The following CDH12 variants were observed in gnomAD, a reference collection of about 807,000 sequenced individuals.
The protein encoded by CDH12 is cadherin-12.
Under a neutral mutation model 74.1 loss-of-function variants are expected in CDH12, and 41 were observed. The ratio of observed to expected loss-of-function variants is 0.55; its 90% confidence interval spans 0.43 to 0.72. CDH12 has a LOEUF of 0.72. CDH12 is among the 30% of genes least tolerant of loss of function. CDH12 has a pLI of 0.00. For missense variants in CDH12, 945 were observed against 977.2 expected (o/e 0.97, Z 0.44); for synonymous variants, 399 against 355.0 (o/e 1.12, Z -1.39).
chr5:22,709,667 T>TG (rs1309943987), intron 1 of CDH12, among the ~76,000 whole-genome samples: 1 of 152,114 alleles, frequency 6.6e-6, no homozygotes, highest in Non-Finnish European at 1.5e-5. Flanking sequence ...CCGAATACAA[T>TG]AGATGTTAAG....
intron 3 of CDH12, among the ~76,000 whole-genome samples, chr5:22,253,208 T>C (rs1305132691): frequency 1.3e-5 from 2 of 151,326 alleles, no homozygotes; most frequent in Non-Finnish European, 3.0e-5. Flanking sequence ...AAAGTAATTA[T>C]GACATTTTAA....
intron 1 of CDH12, among the ~76,000 whole-genome samples, chr5:22,593,019 G>T (rs1360952000): frequency 7.8e-6 from 1 of 128,684 alleles, no homozygotes; most frequent in East Asian, 2.3e-4. Context: ...GACAGAGAGA[G>T]ACTCCATCTC....
intron 3 of CDH12, among the ~76,000 whole-genome samples, chr5:22,357,769 A>T (rs1190085586): frequency 2.0e-5 from 3 of 152,166 alleles, no homozygotes; most frequent in Admixed American, 1.3e-4. Context: ...TGGAGAATAT[A>T]CATAAAGGTG....
At chr5:21,840,750 T>C (rs922589161) in intron 8 of CDH12, among the ~76,000 whole-genome samples, 9 of 151,574 alleles carry the variant, frequency 5.9e-5, no homozygotes, top group East Asian at 1.9e-4. Flanking sequence ...AAACAAGCAA[T>C]TGGGGAAAGG....
chr5:22,704,951 C>T (rs1398801342), intron 1 of CDH12, among the ~76,000 whole-genome samples: 1 of 151,844 alleles, frequency 6.6e-6, no homozygotes, highest in East Asian at 1.9e-4. Flanking sequence ...AAGTCCTCTT[C>T]TTAGCTCATA....
In CDH12 at chr5:22,313,799, C is replaced by T. The variant is rs752105299; in HGVS notation, c.-333+91458G>A. Among the ~76,000 whole-genome samples the T allele has an allele frequency of 3.3e-5, 5 of 151,886 alleles. 1 individual carries two copies. The South Asian group carries it at 8.3e-4, about 25-fold the overall frequency. On this transcript the variant is annotated intron_variant, in intron 3 of 14. Coordinates refer to ENST00000382254, the MANE Select transcript of CDH12 (RefSeq NM_004061.5). ...TATGAGTATGCAAAGGCATGCAGAG[C>T]GATATAATGAATTTTGGAGACTCAG... is the stretch of plus-strand genomic sequence containing the variant.
intron 1 of CDH12, among the ~76,000 whole-genome samples, chr5:22,547,527 C>T (rs1185723276): frequency 6.6e-6 from 1 of 152,066 alleles, no homozygotes; most frequent in Non-Finnish European, 1.5e-5. Context: ...TAGAAATTTT[C>T]CTTCTTAGTA....
At chr5:22,655,964 G>A (rs1345729752) in intron 1 of CDH12, among the ~76,000 whole-genome samples, 1 of 152,192 alleles carries the variant, frequency 6.6e-6, no homozygotes, top group Non-Finnish European at 1.5e-5. Context: ...TCTCTCAAGT[G>A]TTGCTGTGGT....
chr5:22,761,818 T>C lies in CDH12; in HGVS notation c.-523+91240A>G, dbSNP rs190010295. On this transcript the variant is annotated intron_variant, in intron 1 of 14. Coordinates refer to ENST00000382254, the MANE Select transcript of CDH12 (RefSeq NM_004061.5). ...TATAATAAATCACAAAAGAAGAAAG[T>C]AGATTTTGTGCATAAAACCGTTAAA... Among the ~76,000 whole-genome samples the C allele has an allele frequency of 1.4e-3, 212 of 152,282 alleles. 3 individuals are homozygous for C. In the Middle Eastern group the frequency reaches 0.017, roughly 12 times the overall value.
At chr5:22,472,027 A>T (rs1412873210) in intron 2 of CDH12, among the ~76,000 whole-genome samples, 1 of 152,162 alleles carries the variant, frequency 6.6e-6, no homozygotes, top group Non-Finnish European at 1.5e-5. Flanking sequence ...GGAGACACCC[A>T]GGGTAAGGGA....
chr5:22,019,458 C>T (rs1023520504), intron 5 of CDH12, among the ~76,000 whole-genome samples: 3 of 152,074 alleles, frequency 2.0e-5, no homozygotes, highest in African/African-American at 7.2e-5. Context: ...GATTTTATTA[C>T]AAGGTGGGGC....
chr5:22,011,211 T>G (rs1737276004), intron 5 of CDH12, among the ~76,000 whole-genome samples: 1 of 152,086 alleles, frequency 6.6e-6, no homozygotes, highest in African/African-American at 2.4e-5. Context: ...TACTGGAAAT[T>G]CTTCCTGTAA....
chr5:22,077,235 T>C (rs1295657157), intron 5 of CDH12, among the ~76,000 whole-genome samples: 2 of 152,150 alleles, frequency 1.3e-5, no homozygotes, highest in Non-Finnish European at 2.9e-5. Context: ...TCTGGTTATA[T>C]GTCCCTTTCA....
chr5:22,238,412 C>A, intron 3 of CDH12, among the ~76,000 whole-genome samples: 1 of 152,022 alleles, frequency 6.6e-6, no homozygotes, highest in Admixed American at 6.6e-5. Flanking sequence ...GGATAATGAA[C>A]AATCTTGTAG....
chr5:21,824,816 A>G (rs979829259), intron 8 of CDH12, among the ~76,000 whole-genome samples: 1 of 152,020 alleles, frequency 6.6e-6, no homozygotes, highest in Non-Finnish European at 1.5e-5. Flanking sequence ...TCTGCACATA[A>G]TTTTCCCTCT....
chr5:21,751,620 G>T lies in CDH12; in HGVS notation c.*117C>A, dbSNP rs867498093. On this transcript the variant is annotated 3_prime_UTR_variant, in exon 15 of 15. Coordinates refer to ENST00000382254, the MANE Select transcript of CDH12 (RefSeq NM_004061.5). ...GAATCTTGTCCCAGAGTGTGTGTGTGTGTGTGTGTGTTTGTGTGTGTGTGT... is the reference window on the plus strand; with the variant it reads ...GAATCTTGTCCCAGAGTGTGTGTGTTTGTGTGTGTGTTTGTGTGTGTGTGT... The T allele has an allele frequency of 4.4e-6, 3 of 688,028 alleles. No individual in the cohort carries two copies. The highest frequency in any genetic ancestry group is 7.3e-6 in the Non-Finnish European group (3 of 412,656). The allele number at this position is 688,028 out of a possible 1,614,324, so 42.6% of individuals were successfully genotyped here. A position where few individuals can be genotyped will look rare whatever the true frequency, so the allele number is the denominator to read the frequency against.
At chr5:22,468,488 G>A (rs995326727) in intron 2 of CDH12, among the ~76,000 whole-genome samples, 1 of 152,024 alleles carries the variant, frequency 6.6e-6, no homozygotes, top group African/African-American at 2.4e-5. Context: ...TCAGTTTTTG[G>A]AAAGCTCAGT....
At chr5:22,214,910 T>C (rs1288973309) in intron 3 of CDH12, among the ~76,000 whole-genome samples, 1 of 152,192 alleles carries the variant, frequency 6.6e-6, no homozygotes, top group East Asian at 1.9e-4. Flanking sequence ...AGTAGTTTTT[T>C]TAACCTATGT....
intron 1 of CDH12, among the ~76,000 whole-genome samples, chr5:22,775,233 A>C (rs1747030907): frequency 1.3e-5 from 2 of 152,090 alleles, no homozygotes; most frequent in Admixed American, 1.3e-4. Context: ...GAGGTATGTT[A>C]TAACCTTAAC....
Sources: allele counts gnomAD v4.1 joint callset (sites outside exome capture counted in the v4.1 genomes callset), GRCh38; gene constraint gnomAD v4.1.1; transcripts MANE v1.5; gene names NCBI Gene and HGNC (gene_info 2026-07-23, HGNC 2026-07-21).